Variants in RAD17 observed in about 807,000 individuals in gnomAD.
RAD17 encodes the protein cell cycle checkpoint protein RAD17.
A neutral mutation model predicts 81.5 loss-of-function variants in RAD17; 31 were observed. The ratio of observed to expected loss-of-function variants is 0.38; its 90% CI spans 0.29 to 0.51. RAD17 has a LOEUF of 0.51. Ranked by LOEUF, RAD17 falls within the 20% of genes least tolerant of loss-of-function variation. The pLI is 0.88. For synonymous variants in RAD17, 261 were observed against 266.2 expected (o/e 0.98, Z 0.19); for missense variants, 681 against 781.2 (o/e 0.87, Z 1.53).
chr5:69,385,929 T>C, intron 8 of RAD17, 114 bp from the exon 9 acceptor site: 1 of 1,042,364 alleles, frequency 9.6e-7, no homozygotes, highest in African/African-American at 1.7e-5. Flanking sequence ...GTGAAAGTTC[T>C]GTTTAAAATA....
At chr5:69,399,176 G>T (rs1004593977) in intron 16 of RAD17, among the ~76,000 whole-genome samples, 2 of 152,066 alleles carry the variant, frequency 1.3e-5, no homozygotes, top group Middle Eastern at 3.4e-3. Flanking sequence ...GATTGCATAA[G>T]CCTGGGAGGC....
chr5:69,386,004 A>C (rs1381060634), intron 8 of RAD17, 39 bp from the exon 9 acceptor site: 2 of 1,467,024 alleles, frequency 1.4e-6, no homozygotes, highest in Non-Finnish European at 9.0e-7. Flanking sequence ...TTTGCAATGG[A>C]ATAAAACTAT....
At chr5:69,395,711 A>G (rs1001979609) in intron 15 of RAD17, among the ~76,000 whole-genome samples, 4 of 152,214 alleles carry the variant, frequency 2.6e-5, no homozygotes, top group African/African-American at 9.6e-5. Context: ...AAAAAATGAT[A>G]GTACAATGAA....
At chr5:69,377,911 CT>C (rs534755894) in intron 6 of RAD17, among the ~76,000 whole-genome samples, 170 of 151,872 alleles carry the variant, frequency 1.1e-3, no homozygotes, top group African/African-American at 3.8e-3. Context: ...CCCACCTCAG[CT>C]TCCTGAGTAG....
rs75928221 is a variant in RAD17 at position 69,396,548 on chromosome 5, T to A, written c.1572+2T>A. The A allele has an allele frequency of 8.6e-5, 116 of 1,342,300 alleles. No homozygotes were observed. The highest frequency in any genetic ancestry group is 2.1e-4 in the Middle Eastern group (1 of 4,668). The allele number at this position is 1,342,300 out of a possible 1,614,324, so 83.1% of individuals were successfully genotyped here. A position where few individuals can be genotyped will look rare whatever the true frequency, so the allele number is the denominator to read the frequency against. ...CAGTGGTTTCTAATAAATAAAAAGG[T>A]AAAAAAAAAAAAAAAAATTCTGTAC... On this transcript the variant is annotated splice_donor_variant, in intron 16 of 18. Transcript: ENST00000354868. LOFTEE classifies it high-confidence loss of function.
chr5:69,389,492 G>A (rs1764414835), intron 12 of RAD17, among the ~76,000 whole-genome samples: 1 of 152,172 alleles, frequency 6.6e-6, no homozygotes, highest in Non-Finnish European at 1.5e-5. Context: ...TTTTATGTGA[G>A]CACTTACCTC....
chr5:69,369,357 C>T, upstream of RAD17: 2 of 1,306,218 alleles, frequency 1.5e-6, no homozygotes, highest in Non-Finnish European at 2.1e-6. Context: ...CCTCGGCCGG[C>T]CTCTGAAGAG....
intron 7 of RAD17, among the ~76,000 whole-genome samples, chr5:69,382,722 A>G (rs1445222225): frequency 6.6e-6 from 1 of 152,226 alleles, no homozygotes; most frequent in Non-Finnish European, 1.5e-5. Flanking sequence ...ACAATATCAA[A>G]TGAAAGCAAA....
At chr5:69,378,311 C>T (rs973789555) in intron 6 of RAD17, among the ~76,000 whole-genome samples, 4 of 152,142 alleles carry the variant, frequency 2.6e-5, no homozygotes, top group Non-Finnish European at 5.9e-5. Context: ...AACTCTGTTA[C>T]AGTGTAGACA....
intron 6 of RAD17, among the ~76,000 whole-genome samples, chr5:69,376,872 G>A (rs1405577320): frequency 6.6e-6 from 1 of 151,906 alleles, no homozygotes; most frequent in East Asian, 1.9e-4. Flanking sequence ...TCCTACCTCA[G>A]CCTCCCGAGT....
rs1765899839 is a variant in RAD17, at chr5:69,410,485, T to C, written c.1694-8T>C. ...AATTGTTTACAACTTTTAAAAAATC[T>C]GTTTCAGCTCAGATTTCTTTTATCC... On this transcript the variant is annotated splice_polypyrimidine_tract_variant and splice_region_variant and intron_variant, in intron 17 of 18. Transcript: ENST00000354868. The C allele has an allele frequency of 3.7e-6, 6 of 1,609,910 alleles. No homozygotes were observed. The East Asian group carries it at 1.3e-4, about 36-fold the overall frequency.
At chr5:69,389,273 C>G in intron 12 of RAD17, 128 bp downstream of exon 12, 1 of 470,912 alleles carries the variant, frequency 2.1e-6, no homozygotes, top group Non-Finnish European at 3.6e-6. Context: ...ATTACTGAGA[C>G]AGTGGCTTAA....
At chr5:69,405,833 G>A (rs946630131) in intron 17 of RAD17, among the ~76,000 whole-genome samples, 22 of 152,046 alleles carry the variant, frequency 1.4e-4, no homozygotes, top group African/African-American at 5.3e-4. Flanking sequence ...TTGAGGCCAG[G>A]AGTTTGAGAC....
Position 69,373,992 on chromosome 5 carries a change from C to G in RAD17, c.172C>G (p.Leu58Val). 1.2e-6 allele frequency: 2 copies of G among 1,613,024 alleles called. No individual in the cohort carries two copies. The highest frequency in any genetic ancestry group is 1.7e-6 in the Non-Finnish European group (2 of 1,179,284). The change falls in exon 5 of 19, where the codon CTA (leucine) becomes GTA (valine). Residue 58 changes from leucine (L) to valine (V), a missense_variant. Physicochemically the swap from Leu to Val is conservative, Grantham distance 32 (BLOSUM62 1). Coordinates refer to ENST00000354868, the MANE Select transcript of RAD17 (RefSeq NM_133338.3). ...SRFPARKRGNLSSLEQIYGLE... is the reference protein window; with the variant it reads ...SRFPARKRGNVSSLEQIYGLE... The stretch of plus-strand genomic sequence containing the variant: ...ATTTCCAGCGAGAAAAAGAGGAAAT[C>G]TATCTTCCTTAGAACAGATTTATGG...
intron 6 of RAD17, among the ~76,000 whole-genome samples, chr5:69,375,333 A>G (rs956322403): frequency 3.3e-5 from 5 of 152,156 alleles, no homozygotes; most frequent in South Asian, 4.1e-4. Context: ...GGCAAATTAC[A>G]TGTTAGTTTC....
rs142379819 is a variant in RAD17 at position 69,376,725 on chromosome 5, G to A, written c.351+2014G>A. On this transcript the variant is annotated intron_variant, in intron 6 of 18. Coordinates refer to ENST00000354868, the MANE Select transcript of RAD17 (RefSeq NM_133338.3). ...TTTCAACCTTGAGATGAAGGAGTTG[G>A]TGTTTTAGTTGCTTTGATGGTAACA... Among the ~76,000 whole-genome samples the A allele has an allele frequency of 2.6e-3, 400 of 151,372 alleles. 1 individual carries two copies. Among genetic ancestry groups the A allele is most frequent in the African/African-American group, 9.5e-3 (391 of 41,354 alleles).
intron 16 of RAD17, among the ~76,000 whole-genome samples, chr5:69,397,740 G>C (rs17236506): frequency 0.014 from 2,127 of 152,308 alleles, 57 homozygotes; most frequent in African/African-American, 0.049. Flanking sequence ...TTGAGACGGA[G>C]CCTCGCTGGC....
intron 13 of RAD17, chr5:69,392,725 T>A: frequency 2.4e-6 from 1 of 422,138 alleles, no homozygotes. Flanking sequence ...TTTCTTTCTC[T>A]CCTTTCTTTT....
In RAD17 at chr5:69,393,493, A is replaced by G; in HGVS notation, c.1415A>G (p.Asp472Gly). ...FLSFADILSG[D>G]WNTRSLLREY... Reference sequence around the variant, plus strand: ...AGTTTTGCAGATATCCTCAGTGGTGACTGGAATGTAAGACCATTTGACTTA... The same window carrying G: ...AGTTTTGCAGATATCCTCAGTGGTGGCTGGAATGTAAGACCATTTGACTTA... Residue 472 changes from aspartate to glycine, a missense_variant, in exon 15 of 19, where the codon GAC becomes GGC. Transcript: ENST00000354868. The G allele has an allele frequency of 6.3e-7, 1 of 1,599,834 alleles. No homozygotes were observed.
Sources: allele counts gnomAD v4.1 joint callset (sites outside exome capture counted in the v4.1 genomes callset), GRCh38; gene constraint gnomAD v4.1.1; transcripts MANE v1.5; gene names NCBI Gene and HGNC (gene_info 2026-07-23, HGNC 2026-07-21).